The following EDARADD variants were observed in gnomAD, a reference collection of about 807,000 sequenced individuals.
EDARADD encodes EDAR associated via death domain.
In EDARADD, 20 loss-of-function variants were observed where a neutral mutation model predicts 25.6. The ratio of observed to expected loss-of-function variants is 0.78; its 90% confidence interval spans 0.55 to 1.14. The LOEUF is 1.14. Ranked by LOEUF, EDARADD falls within the 50% of genes most tolerant of loss-of-function variation. The probability of loss-of-function intolerance (pLI) is 0.00; values close to 1 mark genes in which losing one functional copy is unlikely to be tolerated. For missense variants in EDARADD, 225 were observed against 270.1 expected (o/e 0.83, Z 1.17); for synonymous variants, 86 against 94.4 (o/e 0.91, Z 0.52).
intron 4 of EDARADD, among the ~76,000 whole-genome samples, chr1:236,464,525 C>G (rs964459654): frequency 6.8e-6 from 1 of 147,156 alleles, no homozygotes; most frequent in Non-Finnish European, 1.5e-5. Flanking sequence ...CTCCGCCTCC[C>G]GGGTTCAGGT....
chr1:236,374,719 C>T (rs1250191146), intron 3 of EDARADD, among the ~76,000 whole-genome samples: 2 of 151,818 alleles, frequency 1.3e-5, no homozygotes, highest in African/African-American at 4.8e-5. Flanking sequence ...ATTAATATAG[C>T]TATTTTCACT....
At chr1:236,461,149 A>T (rs1183158390) in intron 4 of EDARADD, among the ~76,000 whole-genome samples, 1 of 152,156 alleles carries the variant, frequency 6.6e-6, no homozygotes, top group Non-Finnish European at 1.5e-5. Flanking sequence ...GTCTAAATCC[A>T]TATGCTGTGA....
chr1:236,483,819 G>C lies in EDARADD; in HGVS notation c.*1170G>C, dbSNP rs1558141071. 11 of 1,437,374 alleles carry C rather than the reference G, an allele frequency of 7.7e-6. No individual in the cohort carries two copies. Among genetic ancestry groups the C allele is most frequent in the Admixed American group, 1.7e-5 (1 of 59,528 alleles). 89.0% of individuals were successfully genotyped at this position (1,437,374 alleles called of 1,614,324 possible). On this transcript the variant is annotated 3_prime_UTR_variant, in exon 6 of 6. Coordinates refer to ENST00000334232, the MANE Select transcript of EDARADD (RefSeq NM_145861.4). ...AGGCGCGTTTGCTCCCAACATCCTGGAGAATAAAGAAGGCCTGGAGCTGCT... is the reference window on the plus strand; with the variant it reads ...AGGCGCGTTTGCTCCCAACATCCTGCAGAATAAAGAAGGCCTGGAGCTGCT...
intron 4 of EDARADD, among the ~76,000 whole-genome samples, chr1:236,450,057 C>T (rs1426723658): frequency 6.6e-6 from 1 of 151,080 alleles, no homozygotes; most frequent in African/African-American, 2.4e-5. Flanking sequence ...GCCGAGATTA[C>T]ACCACTGCAC....
At chr1:236,435,082 T>G in intron 4 of EDARADD, among the ~76,000 whole-genome samples, 1 of 152,006 alleles carries the variant, frequency 6.6e-6, no homozygotes, top group Non-Finnish European at 1.5e-5. Context: ...CACTAGGTAC[T>G]GTGCTTAGGA....
intron 5 of EDARADD, among the ~76,000 whole-genome samples, chr1:236,478,619 C>A (rs1377778779): frequency 2.6e-5 from 4 of 152,110 alleles, no homozygotes; most frequent in African/African-American, 7.2e-5. Flanking sequence ...CGGAGTCTCG[C>A]TCTGTCACCC....
At chr1:236,414,895 G>C (rs1657596955) in intron 3 of EDARADD, among the ~76,000 whole-genome samples, 1 of 152,130 alleles carries the variant, frequency 6.6e-6, no homozygotes, top group Non-Finnish European at 1.5e-5. Context: ...GTGGGAACTT[G>C]CTGACTTTGG....
chr1:236,458,664 A>G (rs1658950433), intron 4 of EDARADD, among the ~76,000 whole-genome samples: 1 of 100,314 alleles, frequency 1.0e-5, no homozygotes. Context: ...TTTTTTTGAG[A>G]CGGAGTTTCA....
At chr1:236,383,164 A>G (rs1291539283) in intron 3 of EDARADD, among the ~76,000 whole-genome samples, 2 of 152,018 alleles carry the variant, frequency 1.3e-5, no homozygotes, top group South Asian at 2.1e-4. Flanking sequence ...GGAGGCCAAG[A>G]TGGACATATC....
intron 1 of EDARADD, among the ~76,000 whole-genome samples, chr1:236,406,761 T>G: frequency 6.6e-6 from 1 of 152,182 alleles, no homozygotes; most frequent in Admixed American, 6.5e-5. Flanking sequence ...AACTCATCCT[T>G]CCAGACTCAG....
intron 4 of EDARADD, among the ~76,000 whole-genome samples, chr1:236,430,627 T>G (rs1020800364): frequency 1.3e-5 from 2 of 152,164 alleles, no homozygotes; most frequent in Non-Finnish European, 2.9e-5. Context: ...TCTTCTCCTA[T>G]AAAAAGTAGT....
chr1:236,471,088 G>C (rs951273694), intron 5 of EDARADD, among the ~76,000 whole-genome samples: 1 of 152,026 alleles, frequency 6.6e-6, no homozygotes, highest in Non-Finnish European at 1.5e-5. Context: ...TTTTTTTCAC[G>C]TGCTTTCTCT....
In EDARADD at chr1:236,465,591, C is replaced by A. The variant is rs528484850; in HGVS notation, c.220-2640C>A. ...GTCCTCTCTGACTTCATCTGTACCCCTCTCTTGGAAGTCACTATCTTGTGC... is the reference window on the plus strand; with the variant it reads ...GTCCTCTCTGACTTCATCTGTACCCATCTCTTGGAAGTCACTATCTTGTGC... On this transcript the variant is annotated intron_variant, in intron 4 of 5. Coordinates refer to ENST00000334232, the MANE Select transcript of EDARADD (RefSeq NM_145861.4). Among the ~76,000 whole-genome samples, 304 of 152,254 alleles carry A rather than the reference C, an allele frequency of 2.0e-3. 2 individuals carry two copies. Among genetic ancestry groups the A allele is most frequent in the Non-Finnish European group, 3.8e-3 (258 of 68,020 alleles).
chr1:236,412,575 G>T (rs1657520817), intron 2 of EDARADD, among the ~76,000 whole-genome samples: 1 of 151,892 alleles, frequency 6.6e-6, no homozygotes, highest in Admixed American at 6.6e-5. Context: ...CTCTGTTTCA[G>T]TTCTATACCC....
chr1:236,360,518 A>G (rs568298307), intron 3 of EDARADD, among the ~76,000 whole-genome samples: 48 of 150,662 alleles, frequency 3.2e-4, no homozygotes, highest in Non-Finnish European at 5.9e-4. Context: ...TATTCAGGAC[A>G]GAGGGATTTT....
At chr1:236,356,420 C>A (rs566524776) in intron 3 of EDARADD, among the ~76,000 whole-genome samples, 1 of 152,146 alleles carries the variant, frequency 6.6e-6, no homozygotes, top group Non-Finnish European at 1.5e-5. Context: ...TCTGGCTTAG[C>A]CCGGAGAACA....
intron 5 of EDARADD, among the ~76,000 whole-genome samples, chr1:236,479,739 T>C (rs1659613347): frequency 8.0e-6 from 1 of 124,490 alleles, no homozygotes. Flanking sequence ...TTTTTTAAAG[T>C]TTAATCAAAA....
intron 5 of EDARADD, among the ~76,000 whole-genome samples, chr1:236,479,745 CAAAA>C (rs71928175): frequency 0.19 from 28,105 of 146,196 alleles, 3,063 homozygotes; most frequent in Non-Finnish European, 0.25. Flanking sequence ...AAAGTTTAAT[CAAAA>C]AAAAAAAGAA....
rs114897765 is a variant in EDARADD at position 236,358,437 on chromosome 1, G to A, written c.-6+7598G>A. On this transcript the variant is annotated intron_variant, in intron 3 of 7. Transcript: ENST00000439430. ...TATTTCTTGTCTTCTGCTAGCTTTG[G>A]CATTTGTTTGCTCTTGGTTCTCTGG... Among the ~76,000 whole-genome samples the A allele has an allele frequency of 8.4e-3, 1,275 of 152,250 alleles. 18 individuals are homozygous for A. The highest frequency in any genetic ancestry group is 0.029 in the African/African-American group (1,209 of 41,552).
Sources: allele counts gnomAD v4.1 joint callset (sites outside exome capture counted in the v4.1 genomes callset), GRCh38; gene constraint gnomAD v4.1.1; transcripts MANE v1.5; gene names NCBI Gene and HGNC (gene_info 2026-07-23, HGNC 2026-07-21).